The following GRAMD4 variants were observed in gnomAD, a reference collection of about 807,000 sequenced individuals.
The protein encoded by GRAMD4 is GRAM domain-containing protein 4.
GRAMD4 carries 25 observed loss-of-function variants against 83.9 expected under a neutral mutation model. The observed-to-expected ratio is 0.30, with a 90% CI of 0.22 to 0.42. The LOEUF (loss-of-function observed/expected upper bound fraction) is 0.42. Among genes scored for constraint, GRAMD4 ranks in the 10% least tolerant of loss-of-function variants. The pLI is 1.00. For missense variants in GRAMD4, 593 were observed against 788.7 expected, an observed-to-expected ratio of 0.75 and a Z score of 2.97; for synonymous variants, 336 against 320.9, an observed-to-expected ratio of 1.05 and a Z score of -0.50.
intron 1 of GRAMD4, among the ~76,000 whole-genome samples, chr22:46,600,941 C>G (rs2081306561): frequency 1.3e-5 from 2 of 152,172 alleles, no homozygotes; most frequent in Admixed American, 1.3e-4. Context: ...GTCAGGAGTT[C>G]AAGACCAGCT....
intron 1 of GRAMD4, among the ~76,000 whole-genome samples, chr22:46,613,380 G>A (rs1000586828): frequency 6.6e-6 from 1 of 152,262 alleles, no homozygotes; most frequent in East Asian, 1.9e-4. Flanking sequence ...CTCCAGCCCC[G>A]GTGGTACTTA....
chr22:46,634,398 A>G (rs942341151), intron 2 of GRAMD4, among the ~76,000 whole-genome samples: 1 of 152,204 alleles, frequency 6.6e-6, no homozygotes, highest in African/African-American at 2.4e-5. Flanking sequence ...AGAGGAGAAG[A>G]AGAGATAGGT....
At chr22:46,655,142 C>T (rs2082223979) in intron 3 of GRAMD4, among the ~76,000 whole-genome samples, 1 of 152,132 alleles carries the variant, frequency 6.6e-6, no homozygotes, top group African/African-American at 2.4e-5. Flanking sequence ...TGCAAAAGTC[C>T]TGGGGCAGGC....
chr22:46,620,419 G>T lies in GRAMD4; in HGVS notation c.-196G>T. 1 of 985,418 alleles carries T rather than the reference G, an allele frequency of 1.0e-6. No individual in the cohort carries two copies. The allele number at this position is 985,418 out of a possible 1,614,324, so 61.0% of individuals were successfully genotyped here. On this transcript the variant is annotated 5_prime_UTR_variant, in exon 1 of 19. Coordinates refer to ENST00000406902, the MANE Select transcript of GRAMD4 (RefSeq NM_015124.5). This position sits in a 1 kb window ranked among gnomAD's most constrained non-coding sequence, Gnocchi z 4.7. ...CTGGAGTCCTCCAGGCTCCAGGGCA[G>T]CAGACACCACCCTCTCCGTGCCTGC...
chr22:46,579,286 G>A (rs973107128), intron 1 of GRAMD4, among the ~76,000 whole-genome samples: 5 of 152,200 alleles, frequency 3.3e-5, no homozygotes, highest in South Asian at 2.1e-4. Flanking sequence ...TGTGGAGCCC[G>A]GCGCCGGCGT....
At position 46,677,403 on chromosome 22, in the gene GRAMD4, C is replaced by T. The variant is rs1328659471; in HGVS notation, c.*152C>T. ...TGTGGTTCTATTGTGTTGACCTCTG[C>T]GTTTTATCGACCAAGAAGGGGCCAG... On this transcript the variant is annotated 3_prime_UTR_variant, in exon 19 of 19. Coordinates refer to ENST00000406902, the MANE Select transcript of GRAMD4 (RefSeq NM_015124.5). 10 of 1,377,110 alleles carry T rather than the reference C, an allele frequency of 7.3e-6. No homozygotes were observed. Among genetic ancestry groups the T allele is most frequent in the Non-Finnish European group, 8.4e-6 (9 of 1,065,510 alleles). 85.3% of individuals were successfully genotyped at this position (1,377,110 alleles called of 1,614,324 possible).
rs930502432 is a variant in GRAMD4, at chr22:46,626,294, G to A, written c.-49-457G>A. Among the ~76,000 whole-genome samples, 6 of 152,236 alleles carry A rather than the reference G, an allele frequency of 3.9e-5. No homozygotes were observed. The East Asian group carries it at 1.2e-3, about 29-fold the overall frequency. ...CCGTCGTGTTGACCACGTTCTTGAC[G>A]GTTTGTTAGGCAACCTTTTGGCATG... On this transcript the variant is annotated intron_variant, in intron 1 of 18. Coordinates refer to ENST00000406902, the MANE Select transcript of GRAMD4 (RefSeq NM_015124.5).
At chr22:46,594,033 G>A (rs923351651) in intron 1 of GRAMD4, among the ~76,000 whole-genome samples, 2 of 151,668 alleles carry the variant, frequency 1.3e-5, no homozygotes, top group South Asian at 2.1e-4. Flanking sequence ...CCATATTTTC[G>A]TTATTTTTAA....
intron 9 of GRAMD4, 66 bp downstream of exon 9, chr22:46,665,772 G>T: frequency 1.1e-6 from 1 of 894,292 alleles, no homozygotes. Context: ...GTCTCCCTGC[G>T]TCTCACAACC....
Position 46,677,832 on chromosome 22 carries a change from G to A in GRAMD4, c.*581G>A, listed in dbSNP as rs1217889326. On this transcript the variant is annotated 3_prime_UTR_variant, in exon 19 of 19. Coordinates refer to ENST00000406902, the MANE Select transcript of GRAMD4 (RefSeq NM_015124.5). ...TTGCCCTTGGTGCCGGGCTGGGGCC[G>A]GGCGCAGTGACCCTGCCTGCGCTCC... 1.1e-5 allele frequency: 11 copies of A among 985,424 alleles called. No individual in the cohort carries two copies. The highest frequency in any genetic ancestry group is 1.3e-5 in the Non-Finnish European group (11 of 830,104). The allele number at this position is 985,424 out of a possible 1,614,324, so 61.0% of individuals were successfully genotyped here.
intron 3 of GRAMD4, among the ~76,000 whole-genome samples, chr22:46,657,828 C>T (rs375038420): frequency 4.8e-4 from 73 of 152,230 alleles, no homozygotes; most frequent in African/African-American, 1.7e-3. Context: ...GTGTGGTCAG[C>T]GTCCTTTCCG....
intron 1 of GRAMD4, among the ~76,000 whole-genome samples, chr22:46,603,515 C>CTT (rs71192425): frequency 2.5e-5 from 2 of 81,590 alleles, no homozygotes; most frequent in Non-Finnish European, 4.5e-5. Context: ...GGCCTCTTCT[C>CTT]TTTTTTTTTT....
chr22:46,610,403 G>GT (rs957047913), intron 1 of GRAMD4, among the ~76,000 whole-genome samples: 3 of 152,192 alleles, frequency 2.0e-5, no homozygotes, highest in Non-Finnish European at 4.4e-5. Context: ...ACTGCCACCT[G>GT]TTTCTGCCTG....
downstream of GRAMD4, among the ~76,000 whole-genome samples, chr22:46,680,604 A>G (rs1601700476): frequency 1.0e-5 from 1 of 96,416 alleles, no homozygotes; most frequent in African/African-American, 3.9e-5. Context: ...CCACCCACCC[A>G]TTCATCCATC....
intron 1 of GRAMD4, among the ~76,000 whole-genome samples, chr22:46,596,751 A>C (rs191520380): frequency 6.6e-6 from 1 of 152,146 alleles, no homozygotes; most frequent in Non-Finnish European, 1.5e-5. Flanking sequence ...GGATTTCACC[A>C]TGTTAGCCAG....
intron 3 of GRAMD4, among the ~76,000 whole-genome samples, chr22:46,651,749 G>A (rs2082169570): frequency 6.6e-6 from 1 of 152,234 alleles, no homozygotes; most frequent in African/African-American, 2.4e-5. Context: ...TCACTGCGGG[G>A]GTTTAGAGAG....
At chr22:46,589,253 A>C (rs1602298438) in intron 1 of GRAMD4, among the ~76,000 whole-genome samples, 2 of 104,404 alleles carry the variant, frequency 1.9e-5, no homozygotes, top group East Asian at 3.0e-4. Context: ...TCTTGGGGGG[A>C]GTCCTGGGTT....
rs1190583727 is a variant in GRAMD4, at chr22:46,672,666, G to A, written c.1085-177G>A. ...GACTGTGCAGCACGAATGGGCCCCAGGGGAGCGAGGCTGGGGGTATCCAGG... is the reference window on the plus strand; with the variant it reads ...GACTGTGCAGCACGAATGGGCCCCAAGGGAGCGAGGCTGGGGGTATCCAGG... On this transcript the variant is annotated intron_variant, in intron 13 of 18. Coordinates refer to ENST00000406902, the MANE Select transcript of GRAMD4 (RefSeq NM_015124.5). This position sits in a 1 kb window ranked among gnomAD's most constrained non-coding sequence, Gnocchi z 4.7. Among the ~76,000 whole-genome samples, 1 of 152,050 alleles carries A rather than the reference G, an allele frequency of 6.6e-6. No homozygotes were observed. Among genetic ancestry groups the A allele is most frequent in the African/African-American group, 2.4e-5 (1 of 41,386 alleles).
intron 2 of GRAMD4, among the ~76,000 whole-genome samples, chr22:46,629,886 A>AT (rs1346374151): frequency 2.0e-5 from 3 of 152,322 alleles, no homozygotes; most frequent in African/African-American, 7.2e-5. Context: ...GGCATCTCAT[A>AT]TAACATGAGG....
Sources: allele counts gnomAD v4.1 joint callset (sites outside exome capture counted in the v4.1 genomes callset), GRCh38; gene constraint gnomAD v4.1.1; non-coding constraint Gnocchi (gnomAD v3.1); transcripts MANE v1.5; gene names NCBI Gene and HGNC (gene_info 2026-07-23, HGNC 2026-07-21).